The following MOB4 variants were observed in gnomAD, a reference collection of about 807,000 sequenced individuals.
MOB4 encodes the protein MOB-like protein phocein.
In MOB4, 4 loss-of-function variants were observed where a neutral mutation model predicts 32.2. The observed-to-expected ratio is 0.12, with a 90% CI of 0.06 to 0.28. The LOEUF (loss-of-function observed/expected upper bound fraction) is 0.28. Ranked by LOEUF, MOB4 falls within the 10% of genes least tolerant of loss-of-function variation. MOB4 has a pLI of 1.00. For synonymous variants in MOB4, 88 were observed against 88.1 expected, an observed-to-expected ratio of 1.00 and a Z score of 0.01; for missense variants, 158 against 271.2, an observed-to-expected ratio of 0.58 and a Z score of 2.93.
rs1263123330 is a variant in MOB4, at chr2:197,543,987, A to ATGTGAT, written c.354+3550_354+3551insTGTGAT. ...ACTCCTGACCTCATGTGATCCGCCC[A>ATGTGAT]CCTCAGCCTCCTAAAGTGCTGGGAT... On this transcript the variant is annotated intron_variant, in intron 5 of 7. Coordinates refer to ENST00000323303, the MANE Select transcript of MOB4 (RefSeq NM_015387.5). Among the ~76,000 whole-genome samples, 40 of 150,816 alleles carry ATGTGAT rather than the reference A, an allele frequency of 2.7e-4. 2 individuals carry two copies. The highest frequency in any genetic ancestry group is 9.5e-4 in the African/African-American group (39 of 41,040).
intron 2 of MOB4, among the ~76,000 whole-genome samples, chr2:197,529,676 A>C (rs1041455329): frequency 6.6e-6 from 1 of 150,390 alleles, no homozygotes. Flanking sequence ...TTATTTTGAG[A>C]TGGAGTTTTG....
intron 2 of MOB4, among the ~76,000 whole-genome samples, chr2:197,528,148 T>C (rs1328154631): frequency 6.6e-6 from 1 of 152,204 alleles, no homozygotes; most frequent in African/African-American, 2.4e-5. Flanking sequence ...TTAACATTGA[T>C]GTGCTGAATG....
chr2:197,543,017 C>T (rs946294295), intron 5 of MOB4, among the ~76,000 whole-genome samples: 8 of 152,034 alleles, frequency 5.3e-5, no homozygotes, highest in African/African-American at 9.7e-5. Flanking sequence ...TACTGGATTT[C>T]GAAGACAGTA....
Position 197,550,704 on chromosome 2 carries a change from C to G in MOB4, c.*58C>G. On this transcript the variant is annotated 3_prime_UTR_variant, in exon 8 of 8. Transcript: ENST00000323303. The stretch of plus-strand genomic sequence containing the variant: ...AATTAACATTATGTACTGTATATAT[C>G]ATTTTAGACACATCAATCATGTATC... 2.0e-6 allele frequency: 3 copies of G among 1,483,814 alleles called. No individual in the cohort carries two copies. Among genetic ancestry groups the G allele is most frequent in the Non-Finnish European group, 2.7e-6 (3 of 1,120,272 alleles). The allele number at this position is 1,483,814 out of a possible 1,614,324, so 91.9% of individuals were successfully genotyped here. A position where few individuals can be genotyped will look rare whatever the true frequency, so the allele number is the denominator to read the frequency against.
At chr2:197,526,860 G>A (rs1242150834) in intron 2 of MOB4, among the ~76,000 whole-genome samples, 2 of 152,264 alleles carry the variant, frequency 1.3e-5, no homozygotes, top group East Asian at 1.9e-4. Flanking sequence ...TTGTCTGTAT[G>A]TCTATCCTTA....
At chr2:197,525,695 C>G (rs2086600169) in intron 2 of MOB4, among the ~76,000 whole-genome samples, 1 of 137,266 alleles carries the variant, frequency 7.3e-6, no homozygotes, top group Non-Finnish European at 1.5e-5. Context: ...AGGCTGGTGA[C>G]AGAGACCCTA....
intron 2 of MOB4, 84 bp from the exon 3 acceptor site, chr2:197,535,446 A>T: frequency 3.9e-6 from 5 of 1,283,356 alleles, no homozygotes; most frequent in Non-Finnish European, 5.3e-6. Context: ...AAGAGCAGTT[A>T]TGTATTAACA....
chr2:197,525,085 C>T (rs1480495389), intron 2 of MOB4, among the ~76,000 whole-genome samples: 1 of 152,118 alleles, frequency 6.6e-6, no homozygotes, highest in East Asian at 1.9e-4. Context: ...GTGGCTCACG[C>T]CTGTAATCCC....
chr2:197,537,426 C>T (rs890129983), intron 3 of MOB4, among the ~76,000 whole-genome samples: 7 of 152,052 alleles, frequency 4.6e-5, no homozygotes, highest in African/African-American at 1.4e-4. Flanking sequence ...ATGACTTTTC[C>T]TGAATAAATT....
chr2:197,523,606 G>A lies in MOB4; in HGVS notation c.61-18G>A, dbSNP rs77102528. 186 of 1,605,138 alleles carry A rather than the reference G, an allele frequency of 1.2e-4. 2 individuals carry two copies. Among genetic ancestry groups the A allele is most frequent in the Admixed American group, 2.2e-4 (13 of 58,024 alleles). ...ATAGTATTTTGTATGTGCTTTAACC[G>A]TGAATTTATTTTTATAGGATTTCTA... On this transcript the variant is annotated intron_variant, in intron 1 of 7. Coordinates refer to ENST00000323303, the MANE Select transcript of MOB4 (RefSeq NM_015387.5).
intron 1 of MOB4, among the ~76,000 whole-genome samples, chr2:197,517,846 A>T (rs1185155622): frequency 6.6e-6 from 1 of 152,174 alleles, no homozygotes; most frequent in African/African-American, 2.4e-5. Flanking sequence ...AAAATTAAAA[A>T]CTATAATAGA....
rs1403307077 is a variant in MOB4, at chr2:197,533,611, G to C, written c.124-1919G>C. ...GTGATGGCAGGTGCTTGTATTCCCA[G>C]CTACTCGGGAGGCTGAGGCAGGAGA... On this transcript the variant is annotated intron_variant, in intron 2 of 7. Coordinates refer to ENST00000323303, the MANE Select transcript of MOB4 (RefSeq NM_015387.5). Among the ~76,000 whole-genome samples the C allele has an allele frequency of 6.0e-5, 9 of 150,972 alleles. No individual in the cohort carries two copies. The Admixed American group carries it at 6.0e-4, about 10-fold the overall frequency.
intron 5 of MOB4, among the ~76,000 whole-genome samples, chr2:197,544,050 CTT>C (rs559647857): frequency 2.1e-5 from 3 of 144,736 alleles, no homozygotes; most frequent in African/African-American, 5.1e-5. Flanking sequence ...GAGTTTCTTT[CTT>C]TTTTTTTTTT....
At chr2:197,546,848 T>G (rs1216659699) in intron 5 of MOB4, among the ~76,000 whole-genome samples, 2 of 152,242 alleles carry the variant, frequency 1.3e-5, no homozygotes, top group Non-Finnish European at 2.9e-5. Context: ...AGCCTACTGT[T>G]GACTGGAAGC....
intron 2 of MOB4, among the ~76,000 whole-genome samples, chr2:197,526,222 C>G (rs546942371): frequency 1.3e-5 from 2 of 152,164 alleles, no homozygotes; most frequent in Non-Finnish European, 2.9e-5. Context: ...ATTCGTAGGT[C>G]ATTCAGTGCT....
intron 5 of MOB4, 46 bp downstream of exon 5, chr2:197,540,483 A>C: frequency 6.7e-7 from 1 of 1,502,306 alleles, no homozygotes; most frequent in African/African-American, 1.4e-5. Flanking sequence ...ATTATAGCCT[A>C]AATCTCTCTC....
At chr2:197,521,325 A>G (rs561257383) in intron 1 of MOB4, among the ~76,000 whole-genome samples, 6 of 152,332 alleles carry the variant, frequency 3.9e-5, no homozygotes, top group Admixed American at 3.3e-4. Context: ...GGGAGTGTAC[A>G]AATAGGGTGT....
rs1458960781 is a variant in MOB4 at position 197,540,443 on chromosome 2, G to A, written c.354+6G>A. ...CTCATAAAACTCCAAAAGAGGTGAG[G>A]ATTTATGAAATAGAGTAACTAATAA... is the stretch of plus-strand genomic sequence containing the variant. On this transcript the variant is annotated splice_donor_region_variant and intron_variant, in intron 5 of 7. Coordinates refer to ENST00000323303, the MANE Select transcript of MOB4 (RefSeq NM_015387.5). 3.2e-6 allele frequency: 5 copies of A among 1,567,930 alleles called. No individual in the cohort carries two copies. The highest frequency in any genetic ancestry group is 2.3e-5 in the East Asian group (1 of 43,690).
At chr2:197,541,962 T>C (rs747500601) in intron 5 of MOB4, among the ~76,000 whole-genome samples, 7 of 152,348 alleles carry the variant, frequency 4.6e-5, no homozygotes, top group Middle Eastern at 6.8e-3. Flanking sequence ...TGTATCTGTC[T>C]ACATCTGGGA....
Sources: gnomAD v4.1 joint callset for allele counts (sites outside exome capture counted in the v4.1 genomes callset) on GRCh38, gnomAD v4.1.1 for gene constraint, MANE v1.5 for transcripts, NCBI Gene and HGNC (gene_info 2026-07-23, HGNC 2026-07-21) for gene names.